Variants in CADPS observed in about 807,000 individuals in gnomAD.
The protein encoded by CADPS is calcium dependent secretion activator, also known as calcium-dependent secretion activator 1.
In CADPS, 57 loss-of-function variants were observed where a neutral mutation model predicts 167.3. The observed-to-expected ratio is 0.34, with a 90% confidence interval of 0.28 to 0.42. The LOEUF is 0.42. Among genes scored for constraint, CADPS ranks in the 20% least tolerant of loss-of-function variants. CADPS has a pLI of 1.00. For missense variants in CADPS, 1,414 were observed against 1,738.1 expected (o/e 0.81, Z 3.32); for synonymous variants, 676 against 635.3 (o/e 1.06, Z -0.96).
At position 62,722,080 on chromosome 3, in the gene CADPS, G is replaced by A. The variant is rs747764073; in HGVS notation, c.888+31361C>T. 7.9e-5 allele frequency among the ~76,000 whole-genome samples: 12 copies of A among 152,244 alleles called. 1 individual carries two copies. Among genetic ancestry groups the A allele is most frequent in the Admixed American group, 6.5e-5 (1 of 15,290 alleles). Reference sequence around the variant, plus strand: ...TGATGGGGTTGGCACTGTCATTATAGTTGAGGAAATGCAGGCTTGGAAGAG... The same window carrying A: ...TGATGGGGTTGGCACTGTCATTATAATTGAGGAAATGCAGGCTTGGAAGAG... On this transcript the variant is annotated intron_variant, in intron 3 of 29. Transcript: ENST00000383710.
intron 1 of CADPS, among the ~76,000 whole-genome samples, chr3:62,811,805 G>A (rs914250265): frequency 3.9e-5 from 6 of 152,132 alleles, no homozygotes; most frequent in East Asian, 1.9e-4. Context: ...TCTAAATGTC[G>A]TAATTTAAGC....
chr3:62,560,008 GCTTC>G (rs78387947), intron 9 of CADPS, among the ~76,000 whole-genome samples: 6,277 of 150,098 alleles, frequency 0.042, 145 homozygotes, highest in Non-Finnish European at 0.045. Context: ...TATTTCAGTG[GCTTC>G]CTTCTTGGAG....
At chr3:62,640,901 A>G (rs1409999236) in intron 6 of CADPS, among the ~76,000 whole-genome samples, 1 of 151,872 alleles carries the variant, frequency 6.6e-6, no homozygotes, top group Non-Finnish European at 1.5e-5. Flanking sequence ...TTTGGAATAT[A>G]TTTTCTACTC....
intron 3 of CADPS, among the ~76,000 whole-genome samples, chr3:62,699,873 G>A (rs2081075351): frequency 6.6e-6 from 1 of 152,052 alleles, no homozygotes; most frequent in African/African-American, 2.4e-5. Context: ...TTGTAAAGTT[G>A]TATCGGAACA....
chr3:62,503,527 G>T (rs1354300453), intron 17 of CADPS, among the ~76,000 whole-genome samples: 2 of 152,178 alleles, frequency 1.3e-5, no homozygotes, highest in African/African-American at 4.8e-5. Flanking sequence ...GCCGTTATTA[G>T]TTCAAGTGAG....
At chr3:62,462,946 C>T (rs1157216159) in intron 26 of CADPS, among the ~76,000 whole-genome samples, 1 of 152,136 alleles carries the variant, frequency 6.6e-6, no homozygotes, top group Non-Finnish European at 1.5e-5. Flanking sequence ...ACACGGGCTG[C>T]AAATGATAAG....
In CADPS at chr3:62,868,982, G is replaced by C. The variant is rs1460099796; in HGVS notation, c.441+5607C>G. ...TGGCAGGGTTTGAGCTAAAACACAG[G>C]TTTCAAAATATAGGTTGAGTATTCC... On this transcript the variant is annotated intron_variant, in intron 1 of 29. Transcript: ENST00000383710. 2.6e-5 allele frequency among the ~76,000 whole-genome samples: 4 copies of C among 152,004 alleles called. No homozygotes were observed. In the East Asian group the frequency reaches 7.7e-4, roughly 29 times the overall value.
At chr3:62,622,336 G>A (rs907688650) in intron 6 of CADPS, among the ~76,000 whole-genome samples, 2 of 152,088 alleles carry the variant, frequency 1.3e-5, no homozygotes, top group Admixed American at 6.6e-5. Flanking sequence ...TGGGGATTCC[G>A]CAGGGAACAA....
In CADPS at chr3:62,489,183, C is replaced by T. The variant is rs529207856; in HGVS notation, c.3026+2156G>A. On this transcript the variant is annotated intron_variant, in intron 21 of 29. Transcript: ENST00000383710. ...ACTTTTATTATTTTTTTTTTTGAGACGGCATCTCGGTCTGTCACCCAGGCT... is the reference window on the plus strand; with the variant it reads ...ACTTTTATTATTTTTTTTTTTGAGATGGCATCTCGGTCTGTCACCCAGGCT... 9.3e-5 allele frequency among the ~76,000 whole-genome samples: 14 copies of T among 150,876 alleles called. No homozygotes were observed. In the South Asian group the frequency reaches 1.0e-3, roughly 11 times the overall value.
intron 1 of CADPS, among the ~76,000 whole-genome samples, chr3:62,852,273 C>G (rs983933284): frequency 6.6e-6 from 1 of 151,936 alleles, no homozygotes; most frequent in African/African-American, 2.4e-5. Flanking sequence ...CTTCTCTCAG[C>G]TCGTCAAAAT....
intron 14 of CADPS, among the ~76,000 whole-genome samples, chr3:62,517,588 C>G (rs2151697551): frequency 6.6e-6 from 1 of 152,228 alleles, no homozygotes; most frequent in Admixed American, 6.6e-5. Flanking sequence ...TCCAGAACCA[C>G]CAGGACAGCA....
chr3:62,803,471 G>A (rs1382665093), intron 1 of CADPS, among the ~76,000 whole-genome samples: 1 of 151,890 alleles, frequency 6.6e-6, no homozygotes, highest in Non-Finnish European at 1.5e-5. Flanking sequence ...GACTGCTACT[G>A]GCATCTAGTG....
At chr3:62,492,594 G>C in intron 19 of CADPS, 148 bp from the exon 20 acceptor site, 3 of 800,662 alleles carry the variant, frequency 3.7e-6, no homozygotes, top group Non-Finnish European at 6.2e-6. Flanking sequence ...CAGAATTTTT[G>C]ATACAATTGG....
At chr3:62,759,704 A>G (rs533246390) in intron 2 of CADPS, among the ~76,000 whole-genome samples, 54 of 152,270 alleles carry the variant, frequency 3.5e-4, no homozygotes, top group African/African-American at 1.3e-3. Flanking sequence ...AAGTACCTGG[A>G]AAGATAGAAA....
rs763219166 is a variant in CADPS at position 62,753,441 on chromosome 3, C to G, written c.888G>C (p.Gln296His). ...FEHQLLYNAC[Q>H]LDNPDEQAAQ... Reference sequence around the variant, plus strand: ...TAGGCCCAGGCGAGAAACACCTTACCTGGCAGGCATTGTAAAGGAGCTGAT... The same window carrying G: ...TAGGCCCAGGCGAGAAACACCTTACGTGGCAGGCATTGTAAAGGAGCTGAT... Residue 296 changes from glutamine to histidine, a missense_variant and splice_region_variant, in exon 3 of 30, where the codon CAG becomes CAC. Around this residue, in one of 6 missense-constraint regions of CADPS, gnomAD observed 522 missense variants for 559.5 expected, o/e 0.93. Coordinates refer to ENST00000383710, the MANE Select transcript of CADPS (RefSeq NM_003716.4). This position sits in a 1 kb window ranked among gnomAD's most constrained non-coding sequence, Gnocchi z 4.6. 1 of 1,604,670 alleles carries G rather than the reference C, an allele frequency of 6.2e-7. No individual in the cohort carries two copies. Among genetic ancestry groups the G allele is most frequent in the Non-Finnish European group, 8.5e-7 (1 of 1,173,282 alleles).
At chr3:62,821,703 G>A (rs893470162) in intron 1 of CADPS, among the ~76,000 whole-genome samples, 4 of 152,078 alleles carry the variant, frequency 2.6e-5, no homozygotes, top group Admixed American at 2.0e-4. Context: ...ACTCTACAAA[G>A]ACCCTGTCTC....
intron 3 of CADPS, among the ~76,000 whole-genome samples, chr3:62,695,506 G>T (rs144398752): frequency 2.6e-5 from 4 of 152,152 alleles, no homozygotes; most frequent in African/African-American, 9.6e-5. Flanking sequence ...AGATCTGAAA[G>T]AAACATTTAC....
chr3:62,814,843 G>A (rs2094541892), intron 1 of CADPS, among the ~76,000 whole-genome samples: 2 of 152,236 alleles, frequency 1.3e-5, no homozygotes, highest in Non-Finnish European at 2.9e-5. Context: ...TCCTCTTTCA[G>A]CTGTTTTTAT....
chr3:62,715,373 C>CTACCTATCTATCTATCTAT (rs1554105668), intron 3 of CADPS, among the ~76,000 whole-genome samples: 121 of 134,606 alleles, frequency 9.0e-4, no homozygotes, highest in African/African-American at 3.3e-3. Context: ...TATCTATCTA[C>CTACCTATCTATCTATCTAT]CTATCTATCT....
Sources: allele counts gnomAD v4.1 joint callset (sites outside exome capture counted in the v4.1 genomes callset), GRCh38; gene constraint gnomAD v4.1.1; regional missense constraint gnomAD v4.1.1; non-coding constraint Gnocchi (gnomAD v3.1); transcripts MANE v1.5; gene names NCBI Gene and HGNC (gene_info 2026-07-23, HGNC 2026-07-21).